RBM6: variants seen among roughly 807,000 people sequenced by gnomAD.
The protein encoded by RBM6 is RNA-binding protein 6.
In RBM6, 23 loss-of-function variants were observed where a neutral mutation model predicts 140.4. The ratio of observed to expected loss-of-function variants is 0.16; its 90% confidence interval spans 0.12 to 0.23. RBM6 has a LOEUF of 0.23. Ranked by LOEUF, RBM6 falls within the 10% of genes least tolerant of loss-of-function variation. RBM6 has a pLI of 1.00. For synonymous variants in RBM6, 439 were observed against 475.6 expected (o/e 0.92, Z 1.00); for missense variants, 1,139 against 1,386.7 (o/e 0.82, Z 2.84).
At chr3:50,045,586 A>C (rs1422548964) in intron 6 of RBM6, among the ~76,000 whole-genome samples, 2 of 152,200 alleles carry the variant, frequency 1.3e-5, no homozygotes, top group African/African-American at 4.8e-5. Context: ...ACAGTTTCTG[A>C]TGTGTAGTGA....
At chr3:49,964,812 T>C (rs12496973) in intron 2 of RBM6, among the ~76,000 whole-genome samples, 72,530 of 152,036 alleles carry the variant, frequency 0.48, 18,003 homozygotes, top group African/African-American at 0.53. Context: ...TAATTTAGCT[T>C]TATTGTCTAA....
intron 7 of RBM6, among the ~76,000 whole-genome samples, chr3:50,053,455 C>T (rs571461452): frequency 6.6e-5 from 10 of 151,996 alleles, no homozygotes; most frequent in South Asian, 6.2e-4. Flanking sequence ...CGCTTGAACC[C>T]GGGAGGTGGA....
chr3:50,073,066 G>A (rs2090354466), intron 19 of RBM6, among the ~76,000 whole-genome samples: 1 of 152,046 alleles, frequency 6.6e-6, no homozygotes, highest in South Asian at 2.1e-4. Context: ...CACCACCACA[G>A]TCTAACAAGT....
At chr3:50,074,754 G>T (rs1392699617) in intron 19 of RBM6, among the ~76,000 whole-genome samples, 4 of 152,134 alleles carry the variant, frequency 2.6e-5, no homozygotes, top group Non-Finnish European at 5.9e-5. Context: ...TAGCTATCAG[G>T]CACTCAGAGG....
chr3:50,009,667 C>T (rs772114314), intron 6 of RBM6, among the ~76,000 whole-genome samples: 1 of 151,886 alleles, frequency 6.6e-6, no homozygotes, highest in Non-Finnish European at 1.5e-5. Context: ...AGCCATCCTC[C>T]CTACCTCAGC....
intron 3 of RBM6, among the ~76,000 whole-genome samples, chr3:49,970,743 T>C (rs984010447): frequency 6.6e-6 from 1 of 152,156 alleles, no homozygotes; most frequent in Admixed American, 6.6e-5. Flanking sequence ...GCTTGTAATT[T>C]CAGTGCTTTA....
At chr3:50,006,708 G>T (rs377062660) in intron 6 of RBM6, among the ~76,000 whole-genome samples, 1 of 151,502 alleles carries the variant, frequency 6.6e-6, no homozygotes, top group African/African-American at 2.4e-5. Context: ...CAAGACGGGC[G>T]GATCACGAGG....
Position 49,956,000 on chromosome 3 carries a change from A to AT in RBM6, c.-66-6563dup, listed in dbSNP as rs753593029. Among the ~76,000 whole-genome samples the AT allele has an allele frequency of 3.2e-3, 447 of 137,806 alleles. 1 individual carries two copies. Among genetic ancestry groups the AT allele is most frequent in the Non-Finnish European group, 2.9e-3 (181 of 62,866 alleles). The allele number at this position is 137,806 out of a possible 152,430, so 90.4% of individuals were successfully genotyped here. A position where few individuals can be genotyped will look rare whatever the true frequency, so the allele number is the denominator to read the frequency against. On this transcript the variant is annotated intron_variant, in intron 1 of 20. Transcript: ENST00000266022. ...TTGCTACTACTTTTATGTTTAGCTG[A>AT]TTTTTTTTTTTTTGGTAGTGAAAAA...
chr3:50,043,290 C>T (rs2089029125), intron 6 of RBM6, among the ~76,000 whole-genome samples: 1 of 151,998 alleles, frequency 6.6e-6, no homozygotes, highest in African/African-American at 2.4e-5. Context: ...CAAGACCAGC[C>T]TGGCCAACAT....
rs542948429 is a variant in RBM6, at chr3:50,062,307, A to G, written c.2586+199A>G. Among the ~76,000 whole-genome samples the G allele has an allele frequency of 2.0e-5, 3 of 152,268 alleles. No individual in the cohort carries two copies. In the East Asian group the frequency reaches 5.8e-4, roughly 29 times the overall value. On this transcript the variant is annotated intron_variant, in intron 15 of 20. Coordinates refer to ENST00000266022, the MANE Select transcript of RBM6 (RefSeq NM_005777.3). ...ATCATGAGGTCAGGAGATCGAGACCATCCTGGCCAACATGGTGAAACCCCT... is the reference window on the plus strand; with the variant it reads ...ATCATGAGGTCAGGAGATCGAGACCGTCCTGGCCAACATGGTGAAACCCCT...
At chr3:49,959,571 G>GTT (rs551329901) in intron 1 of RBM6, among the ~76,000 whole-genome samples, 7,319 of 114,168 alleles carry the variant, frequency 0.064, 303 homozygotes, top group Non-Finnish European at 0.077. Context: ...TATATTTAGG[G>GTT]TTTTTTTTTT....
At chr3:49,946,820 C>A (rs2083506766) in intron 1 of RBM6, among the ~76,000 whole-genome samples, 1 of 151,472 alleles carries the variant, frequency 6.6e-6, no homozygotes, top group Non-Finnish European at 1.5e-5. Flanking sequence ...CAGGTGTGAG[C>A]CATCTCACCC....
At position 49,969,244 on chromosome 3, in the gene RBM6, C is replaced by T. The variant is rs372245798; in HGVS notation, c.1323+496C>T. Among the ~76,000 whole-genome samples the T allele has an allele frequency of 1.3e-4, 19 of 149,626 alleles. No individual in the cohort carries two copies. In the East Asian group the frequency reaches 2.3e-3, roughly 18 times the overall value. ...TTCACCATGTTGGCCAGGCTGGTCT[C>T]GAACTCCTGACCTCGTGATCCGCCC... On this transcript the variant is annotated intron_variant, in intron 3 of 20. Transcript: ENST00000266022.
chr3:50,060,932 G>T lies in RBM6; in HGVS notation c.2229-24G>T, dbSNP rs746751224. The T allele has an allele frequency of 1.9e-6, 3 of 1,540,868 alleles. No homozygotes were observed. The African/African-American group carries it at 4.2e-5, about 21-fold the overall frequency. ...AAATGCCACTTGGTAGCAGCCTTAA[G>T]AATTGTTGTGTTATCTGTTGCAGAA... On this transcript the variant is annotated intron_variant, in intron 11 of 20. Transcript: ENST00000266022.
intron 1 of RBM6, among the ~76,000 whole-genome samples, chr3:49,942,215 C>T (rs920084683): frequency 6.6e-6 from 1 of 152,120 alleles, no homozygotes; most frequent in South Asian, 2.1e-4. Flanking sequence ...TTCAGCCAGG[C>T]ACGGTGGCTC....
chr3:50,010,887 A>G (rs2086811322), intron 6 of RBM6, among the ~76,000 whole-genome samples: 1 of 125,332 alleles, frequency 8.0e-6, no homozygotes, highest in Non-Finnish European at 1.6e-5. Context: ...TGGGCGACAG[A>G]GCAAGACTGT....
chr3:50,032,482 C>CAA (rs10648927), intron 6 of RBM6, among the ~76,000 whole-genome samples: 2,862 of 58,226 alleles, frequency 0.049, 168 homozygotes, highest in African/African-American at 0.16. Context: ...GACTCCATCT[C>CAA]AAAAAAAAAA....
intron 6 of RBM6, 68 bp downstream of exon 6, chr3:49,999,581 T>G: frequency 5.6e-6 from 7 of 1,245,444 alleles, no homozygotes; most frequent in Non-Finnish European, 8.3e-6. Context: ...AGGGAGGGTT[T>G]CAAATGATTT....
rs373463342 is a variant in RBM6 at position 50,058,389 on chromosome 3, A to T, written c.1970-13A>T. 1 of 1,601,318 alleles carries T rather than the reference A, an allele frequency of 6.2e-7. No homozygotes were observed. Among genetic ancestry groups the T allele is most frequent in the African/African-American group, 1.3e-5 (1 of 74,594 alleles). Reference sequence around the variant, plus strand: ...CCCTTGTGTTGCCCTTCTCCCATTTATGGTTGATTCAGCTATCATGCTAAA... The same window carrying T: ...CCCTTGTGTTGCCCTTCTCCCATTTTTGGTTGATTCAGCTATCATGCTAAA... On this transcript the variant is annotated splice_polypyrimidine_tract_variant and intron_variant, in intron 9 of 20. Coordinates refer to ENST00000266022, the MANE Select transcript of RBM6 (RefSeq NM_005777.3).
Sources: allele counts gnomAD v4.1 joint callset (sites outside exome capture counted in the v4.1 genomes callset), GRCh38; gene constraint gnomAD v4.1.1; transcripts MANE v1.5; gene names NCBI Gene and HGNC (gene_info 2026-07-23, HGNC 2026-07-21).